The following HS6ST3 variants were observed in gnomAD, a reference collection of about 807,000 sequenced individuals.
The protein encoded by HS6ST3 is heparan sulfate 6-O-sulfotransferase 3.
Under a neutral mutation model 36.7 loss-of-function variants are expected in HS6ST3, and 12 were observed. The ratio of observed to expected loss-of-function variants is 0.33; its 90% CI spans 0.21 to 0.53. HS6ST3 has a LOEUF of 0.53. HS6ST3 is among the 20% of genes least tolerant of loss of function. The pLI, the probability that HS6ST3 is intolerant of heterozygous loss-of-function variation, is 0.95. For synonymous variants in HS6ST3, 240 were observed against 257.5 expected, an observed-to-expected ratio of 0.93 and a Z score of 0.65; for missense variants, 584 against 640.9, an observed-to-expected ratio of 0.91 and a Z score of 0.96.
intron 1 of HS6ST3, among the ~76,000 whole-genome samples, chr13:96,365,974 A>C (rs1566338970): frequency 6.6e-6 from 1 of 152,192 alleles, no homozygotes. Flanking sequence ...ATTAAATGAC[A>C]TAATTTACAA....
chr13:96,480,653 A>G (rs867798327), intron 1 of HS6ST3, among the ~76,000 whole-genome samples: 1 of 152,142 alleles, frequency 6.6e-6, no homozygotes, highest in African/African-American at 2.4e-5. Context: ...CTTTTTGTAC[A>G]TCACTGGGTT....
intron 1 of HS6ST3, among the ~76,000 whole-genome samples, chr13:96,482,849 A>G (rs1326595515): frequency 6.6e-6 from 1 of 152,228 alleles, no homozygotes; most frequent in East Asian, 1.9e-4. Context: ...AGGTATGCCC[A>G]TGCCTTTAAG....
chr13:96,733,374 A>G (rs1354802949), intron 1 of HS6ST3, among the ~76,000 whole-genome samples: 1 of 152,202 alleles, frequency 6.6e-6, no homozygotes, highest in East Asian at 1.9e-4. Context: ...CTTTTTCTAT[A>G]TCTATTAAAA....
chr13:96,174,527 G>C (rs949235451), intron 1 of HS6ST3, among the ~76,000 whole-genome samples: 2 of 152,076 alleles, frequency 1.3e-5, no homozygotes, highest in Non-Finnish European at 2.9e-5. Context: ...ATGCCACCAT[G>C]CCTGGTATAG....
At chr13:96,108,833 G>T (rs2053854592) in intron 1 of HS6ST3, among the ~76,000 whole-genome samples, 1 of 152,180 alleles carries the variant, frequency 6.6e-6, no homozygotes, top group South Asian at 2.1e-4. Context: ...ATCCTGCTCT[G>T]TAGAGAAGGG....
intron 1 of HS6ST3, among the ~76,000 whole-genome samples, chr13:96,370,145 C>G (rs1047592220): frequency 6.6e-6 from 1 of 152,052 alleles, no homozygotes; most frequent in African/African-American, 2.4e-5. Context: ...GTTGCCAGTC[C>G]AATAAATTTT....
At chr13:96,189,460 A>G (rs530184323) in intron 1 of HS6ST3, among the ~76,000 whole-genome samples, 126 of 152,088 alleles carry the variant, frequency 8.3e-4, no homozygotes, top group Non-Finnish European at 1.6e-3. Flanking sequence ...TCCCTCTAGC[A>G]TGGATCTAGG....
intron 1 of HS6ST3, among the ~76,000 whole-genome samples, chr13:96,199,095 T>C (rs1233299127): frequency 6.6e-6 from 1 of 152,204 alleles, no homozygotes; most frequent in East Asian, 1.9e-4. Context: ...GTGAGACTTA[T>C]TCACTGTCAT....
chr13:96,614,833 G>A (rs1350203274), intron 1 of HS6ST3, among the ~76,000 whole-genome samples: 2 of 152,134 alleles, frequency 1.3e-5, no homozygotes, highest in Non-Finnish European at 1.5e-5. Context: ...GTTTCAGAAA[G>A]CAACCAAATT....
chr13:96,319,183 C>G (rs2054991531), intron 1 of HS6ST3, among the ~76,000 whole-genome samples: 2 of 152,164 alleles, frequency 1.3e-5, no homozygotes, highest in Admixed American at 6.5e-5. Context: ...TTTGCCTATT[C>G]TGGACATTTT....
At chr13:96,326,719 G>A (rs2055033948) in intron 1 of HS6ST3, among the ~76,000 whole-genome samples, 1 of 152,054 alleles carries the variant, frequency 6.6e-6, no homozygotes, top group South Asian at 2.1e-4. Flanking sequence ...GGGTCAAATG[G>A]TATTTCTAGT....
intron 1 of HS6ST3, among the ~76,000 whole-genome samples, chr13:96,685,293 T>A (rs1191422045): frequency 6.6e-6 from 1 of 152,106 alleles, no homozygotes; most frequent in Admixed American, 6.6e-5. Flanking sequence ...ATTCATCTCA[T>A]TACCTCATTT....
chr13:96,800,822 G>T (rs905314735), intron 1 of HS6ST3, among the ~76,000 whole-genome samples: 1 of 151,762 alleles, frequency 6.6e-6, no homozygotes, highest in Non-Finnish European at 1.5e-5. Context: ...CCTCTTTTGT[G>T]CATCATTCAC....
At chr13:96,108,468 T>C (rs2053852774) in intron 1 of HS6ST3, among the ~76,000 whole-genome samples, 1 of 152,210 alleles carries the variant, frequency 6.6e-6, no homozygotes. Flanking sequence ...TTATTGCCCT[T>C]GAAGCATGTG....
intron 1 of HS6ST3, among the ~76,000 whole-genome samples, chr13:96,317,940 A>G (rs1047144614): frequency 6.6e-6 from 1 of 151,668 alleles, no homozygotes; most frequent in African/African-American, 2.4e-5. Context: ...TTGCTTATGG[A>G]TTCTGGATAT....
intron 1 of HS6ST3, among the ~76,000 whole-genome samples, chr13:96,616,446 A>G (rs982525921): frequency 1.3e-5 from 2 of 152,168 alleles, no homozygotes; most frequent in African/African-American, 2.4e-5. Context: ...CCTTCTTATT[A>G]TCAGCACTGC....
chr13:96,103,143 G>A (rs571816028), intron 1 of HS6ST3, among the ~76,000 whole-genome samples: 32 of 152,220 alleles, frequency 2.1e-4, no homozygotes, highest in African/African-American at 6.3e-4. Context: ...TGTTTTGACC[G>A]TTGATAACAG....
chr13:96,276,402 A>G (rs966460971), intron 1 of HS6ST3, among the ~76,000 whole-genome samples: 3 of 152,252 alleles, frequency 2.0e-5, no homozygotes, highest in Admixed American at 2.0e-4. Flanking sequence ...ATACCCTGCA[A>G]ACATTTTTTG....
intron 1 of HS6ST3, among the ~76,000 whole-genome samples, chr13:96,722,349 T>C (rs1875871466): frequency 6.6e-6 from 1 of 152,212 alleles, no homozygotes. Flanking sequence ...ATATTGCATC[T>C]CAATTTCTTG....
Sources: allele counts gnomAD v4.1 joint callset (sites outside exome capture counted in the v4.1 genomes callset), GRCh38; gene constraint gnomAD v4.1.1; transcripts MANE v1.5; gene names NCBI Gene and HGNC (gene_info 2026-07-23, HGNC 2026-07-21).